The following BCAS3 variants were observed in gnomAD, a reference collection of about 807,000 sequenced individuals.
BCAS3 encodes the protein BCAS3 microtubule associated cell migration factor, also known as BCAS4/BCAS3 fusion.
In BCAS3, 53 loss-of-function variants were observed where a neutral mutation model predicts 116.1. The observed-to-expected ratio is 0.46, with a 90% CI of 0.37 to 0.57. BCAS3 has a LOEUF of 0.57. Among genes scored for constraint, BCAS3 ranks in the 20% least tolerant of loss-of-function variants. The probability of loss-of-function intolerance (pLI) is 0.00; values close to 1 mark genes in which losing one functional copy is unlikely to be tolerated. For missense variants in BCAS3, 917 were observed against 1,165.4 expected (o/e 0.79, Z 3.10); for synonymous variants, 391 against 408.2 (o/e 0.96, Z 0.51).
chr17:61,218,895 TAGG>T (rs1374419594), intron 22 of BCAS3, among the ~76,000 whole-genome samples: 1 of 152,122 alleles, frequency 6.6e-6, no homozygotes, highest in African/African-American at 2.4e-5. Flanking sequence ...ACATTAAACA[TAGG>T]AGAACCAAAA....
At chr17:60,787,212 C>A (rs1008649272) in intron 6 of BCAS3, among the ~76,000 whole-genome samples, 3 of 152,148 alleles carry the variant, frequency 2.0e-5, no homozygotes, top group African/African-American at 7.2e-5. Context: ...TGAGTTTTGA[C>A]AAATGTGTAT....
chr17:61,037,788 C>T lies in BCAS3; in HGVS notation c.1763-101C>T. 9.5e-7 allele frequency: 1 copy of T among 1,057,764 alleles called. No individual in the cohort carries two copies. The highest frequency in any genetic ancestry group is 1.3e-6 in the Non-Finnish European group (1 of 763,308). The allele number at this position is 1,057,764 out of a possible 1,614,324, so 65.5% of individuals were successfully genotyped here. On this transcript the variant is annotated intron_variant, in intron 17 of 23. Coordinates refer to ENST00000407086, the MANE Select transcript of BCAS3 (RefSeq NM_017679.5). The surrounding 1 kb of genome is among the most constrained non-coding windows in gnomAD (Gnocchi z 4.7). ...TTCCTGTCTTTTCATTTTCTCTGAG[C>T]AGCCTCAGGAGCAGACTAATAAGAT...
intron 22 of BCAS3, among the ~76,000 whole-genome samples, chr17:61,183,263 T>C (rs2079580976): frequency 6.6e-6 from 1 of 152,128 alleles, no homozygotes; most frequent in Non-Finnish European, 1.5e-5. Context: ...TTGTCCACTC[T>C]GGGAAAATTC....
In BCAS3 at chr17:61,380,420, C is replaced by G. The variant is rs2059550071; in HGVS notation, c.2594-11557C>G. ...CAGTGGTCAAACCAGATTTGGGTAT[C>G]GACTCACTTTGATCTCAGCTCTTCC... On this transcript the variant is annotated intron_variant, in intron 23 of 23. Coordinates refer to ENST00000407086, the MANE Select transcript of BCAS3 (RefSeq NM_017679.5). The surrounding 1 kb of genome is among the most constrained non-coding windows in gnomAD (Gnocchi z 4.2). 7.7e-7 allele frequency: 1 copy of G among 1,294,950 alleles called. No homozygotes were observed. The highest frequency in any genetic ancestry group is 1.3e-5 in the South Asian group (1 of 79,788). 80.2% of individuals were successfully genotyped at this position (1,294,950 alleles called of 1,614,324 possible). A position where few individuals can be genotyped will look rare whatever the true frequency, so the allele number is the denominator to read the frequency against.
chr17:61,059,240 G>A (rs960710768), intron 19 of BCAS3, among the ~76,000 whole-genome samples: 2 of 151,346 alleles, frequency 1.3e-5, no homozygotes, highest in Non-Finnish European at 3.0e-5. Context: ...CCGCCATCAC[G>A]CCTGGCTAAT....
rs115955265 is a variant in BCAS3 at position 61,340,690 on chromosome 17, C to T, written c.2426-27637C>T. On this transcript the variant is annotated intron_variant, in intron 22 of 23. Transcript: ENST00000407086. ...TGTGGTTTCACCAGGCCGGTATGGC[C>T]AAGGGAAAGAGGGATGCAGAAGCTG... Among the ~76,000 whole-genome samples, 446 of 152,048 alleles carry T rather than the reference C, an allele frequency of 2.9e-3. 3 individuals carry two copies. The highest frequency in any genetic ancestry group is 0.01 in the African/African-American group (420 of 41,452).
chr17:60,915,472 T>C (rs2058733341), intron 12 of BCAS3, among the ~76,000 whole-genome samples: 1 of 152,006 alleles, frequency 6.6e-6, no homozygotes, highest in Non-Finnish European at 1.5e-5. Flanking sequence ...CAACGCATAC[T>C]TCTTTGTATT....
chr17:61,291,714 A>G (rs913704994), intron 22 of BCAS3, among the ~76,000 whole-genome samples: 8 of 152,082 alleles, frequency 5.3e-5, no homozygotes, highest in South Asian at 4.1e-4. Context: ...TGTGTTTAGG[A>G]TGGTTGCCCA....
intron 7 of BCAS3, among the ~76,000 whole-genome samples, chr17:60,814,991 A>G (rs1433600608): frequency 6.6e-6 from 1 of 152,220 alleles, no homozygotes; most frequent in Non-Finnish European, 1.5e-5. Flanking sequence ...CTATAAAGAC[A>G]CATGCACGTT....
chr17:61,034,168 C>T lies in BCAS3; in HGVS notation c.1638-498C>T, dbSNP rs898856719. On this transcript the variant is annotated intron_variant, in intron 16 of 23. Coordinates refer to ENST00000407086, the MANE Select transcript of BCAS3 (RefSeq NM_017679.5). The surrounding 1 kb of genome is among the most constrained non-coding windows in gnomAD (Gnocchi z 5.0). ...GAGAGAGCATTTTCAAGGCTTCATT[C>T]TATATCACCTCATTTTCATCCATGC... 5.3e-5 allele frequency among the ~76,000 whole-genome samples: 8 copies of T among 152,188 alleles called. No homozygotes were observed. The highest frequency in any genetic ancestry group is 5.2e-4 in the Admixed American group (8 of 15,286).
rs181407452 is a variant in BCAS3, at chr17:61,021,691, T to C, written c.1637+5790T>C. Among the ~76,000 whole-genome samples, 1 of 152,328 alleles carries C rather than the reference T, an allele frequency of 6.6e-6. No homozygotes were observed. The highest frequency in any genetic ancestry group is 1.9e-4 in the East Asian group (1 of 5,190). On this transcript the variant is annotated intron_variant, in intron 16 of 23. Transcript: ENST00000407086. This position sits in a 1 kb window ranked among gnomAD's most constrained non-coding sequence, Gnocchi z 4.6. ...GGGCTCAGGCCCCACTTAGAAAGCA[T>C]AGATGCTTTTAAATGATATTAAATG...
chr17:60,714,994 T>C (rs1277930641), intron 5 of BCAS3, among the ~76,000 whole-genome samples: 1 of 152,170 alleles, frequency 6.6e-6, no homozygotes, highest in Admixed American at 6.5e-5. Flanking sequence ...GACTCTTTTT[T>C]GGTGAGGTAA....
Position 61,380,596 on chromosome 17 carries a change from A to C in BCAS3, c.2594-11381A>C, listed in dbSNP as rs1422127019. The C allele has an allele frequency of 6.3e-7, 1 of 1,590,634 alleles. No individual in the cohort carries two copies. Among genetic ancestry groups the C allele is most frequent in the East Asian group, 2.2e-5 (1 of 44,852 alleles). ...GGTATGTAACGTCCTATCTTTGCCTATGTGGAAGGGGTTGTCCCGTTGCTT... is the reference window on the plus strand; with the variant it reads ...GGTATGTAACGTCCTATCTTTGCCTCTGTGGAAGGGGTTGTCCCGTTGCTT... On this transcript the variant is annotated intron_variant, in intron 23 of 23. Transcript: ENST00000407086. This position sits in a 1 kb window ranked among gnomAD's most constrained non-coding sequence, Gnocchi z 4.2.
At chr17:60,855,158 C>A (rs936054132) in intron 7 of BCAS3, among the ~76,000 whole-genome samples, 1 of 151,412 alleles carries the variant, frequency 6.6e-6, no homozygotes, top group African/African-American at 2.4e-5. Flanking sequence ...CCATGTTGGT[C>A]AGGTTGGTCT....
intron 23 of BCAS3, among the ~76,000 whole-genome samples, chr17:61,385,089 G>C (rs1055475868): frequency 2.0e-5 from 3 of 152,322 alleles, no homozygotes; most frequent in African/African-American, 2.4e-5. Flanking sequence ...CAGGGGCTTA[G>C]AGCCAATCTC....
intron 19 of BCAS3, among the ~76,000 whole-genome samples, chr17:61,059,042 C>T (rs577215865): frequency 3.6e-5 from 5 of 139,018 alleles, no homozygotes; most frequent in South Asian, 4.5e-4. Context: ...ATAACCTCCC[C>T]GAACTCTTTT....
intron 6 of BCAS3, among the ~76,000 whole-genome samples, chr17:60,794,880 A>T (rs1358733776): frequency 1.3e-5 from 2 of 152,154 alleles, no homozygotes; most frequent in African/African-American, 4.8e-5. Context: ...TGCTTTGGCT[A>T]TATGGGCTCT....
intron 6 of BCAS3, among the ~76,000 whole-genome samples, chr17:60,768,323 T>G (rs8065183): frequency 0.27 from 41,695 of 152,108 alleles, 11,427 homozygotes; most frequent in African/African-American, 0.71. Context: ...TCAGTGGGCT[T>G]GGAAAGGCAG....
chr17:61,122,235 A>T lies in BCAS3; in HGVS notation c.2425+37671A>T, dbSNP rs553369511. On this transcript the variant is annotated intron_variant, in intron 22 of 23. Transcript: ENST00000407086. The surrounding 1 kb of genome is among the most constrained non-coding windows in gnomAD (Gnocchi z 4.6). ...AAATGGTGAAATCTGATTGCTAGAA[A>T]TTGTGATGTGAATAAGTAAAAATTT... 6.6e-6 allele frequency among the ~76,000 whole-genome samples: 1 copy of T among 152,200 alleles called. No individual in the cohort carries two copies.
Sources: gnomAD v4.1 joint callset for allele counts (sites outside exome capture counted in the v4.1 genomes callset) on GRCh38, gnomAD v4.1.1 for gene constraint, Gnocchi (gnomAD v3.1) non-coding constraint, MANE v1.5 for transcripts, NCBI Gene and HGNC (gene_info 2026-07-23, HGNC 2026-07-21) for gene names.